Variants in CARD10 observed in about 807,000 individuals in gnomAD.
CARD10 encodes caspase recruitment domain family member 10, also known as caspase recruitment domain-containing protein 10.
In CARD10, 49 loss-of-function variants were observed where a neutral mutation model predicts 114.6. The ratio of observed to expected loss-of-function variants is 0.43; its 90% CI spans 0.34 to 0.54. The LOEUF is 0.54. CARD10 is among the 20% of genes least tolerant of loss of function. The pLI is 0.03. For missense variants in CARD10, 1,206 were observed against 1,397.2 expected, an observed-to-expected ratio of 0.86 and a Z score of 2.18; for synonymous variants, 602 against 593.2, an observed-to-expected ratio of 1.01 and a Z score of -0.21.
chr22:37,509,574 C>A (rs1923539222), intron 4 of CARD10, among the ~76,000 whole-genome samples: 2 of 149,140 alleles, frequency 1.3e-5, no homozygotes, highest in African/African-American at 2.5e-5. Context: ...CCGGGTCTGA[C>A]CCCCACCCCC....
rs71317047 is a variant in CARD10, at chr22:37,506,777, C to A, written c.1192-394G>T. Among the ~76,000 whole-genome samples the A allele has an allele frequency of 1.6e-3, 246 of 152,308 alleles. 1 individual carries two copies. The highest frequency in any genetic ancestry group is 1.5e-3 in the Non-Finnish European group (101 of 68,030). On this transcript the variant is annotated intron_variant, in intron 6 of 19. Coordinates refer to ENST00000251973, the MANE Select transcript of CARD10 (RefSeq NM_014550.4). ...TGGAGAAGCCAGGAGTCAAACCCAG[C>A]CCACTGCATCCACAGTGAAGACCAG...
At chr22:37,508,784 G>A (rs2145768722) in intron 4 of CARD10, 102 bp from the exon 5 acceptor site, 2 of 1,330,238 alleles carry the variant, frequency 1.5e-6, no homozygotes, top group Non-Finnish European at 2.0e-6. Context: ...AAACCCACCT[G>A]ACCAGCTCTG....
Position 37,492,342 on chromosome 22 carries a change from GC to G in CARD10, c.2751+92del, listed in dbSNP as rs2145750552. The G allele has an allele frequency of 1.1e-6, 1 of 937,810 alleles. No individual in the cohort carries two copies. Among genetic ancestry groups the G allele is most frequent in the Non-Finnish European group, 1.6e-6 (1 of 637,498 alleles). The allele number at this position is 937,810 out of a possible 1,614,324, so 58.1% of individuals were successfully genotyped here. The stretch of plus-strand genomic sequence containing the variant: ...CCCTGCCAGTGAGCAGCAGAGCATG[GC>G]CCGCGCTCAGACGCTGGCGCTCAAG... On this transcript the variant is annotated intron_variant, in intron 18 of 19. Coordinates refer to ENST00000251973, the MANE Select transcript of CARD10 (RefSeq NM_014550.4). This position sits in a 1 kb window ranked among gnomAD's most constrained non-coding sequence, Gnocchi z 5.7.
chr22:37,519,147 C>T lies in CARD10; in HGVS notation c.54G>A (p.Ser18=), dbSNP rs1380048627. Residue 18 remains serine (S), a synonymous_variant, in exon 1 of 20, where the codon TCG becomes TCA. Transcript: ENST00000251973. The surrounding 1 kb of genome is among the most constrained non-coding windows in gnomAD (Gnocchi z 4.1). ...GCGCGTCCTCCTCCGCCTCAGACCC[C>T]GAGCCGGCCCCGGCCTCCTCCTCGG... ...GEAEEEAGAG[S]GSEAEEDALW... is the part of the protein sequence containing the mutation. 5 of 1,546,850 alleles carry T rather than the reference C, an allele frequency of 3.2e-6. No homozygotes were observed. In the South Asian group the frequency reaches 5.9e-5, roughly 18 times the overall value.
intron 3 of CARD10, among the ~76,000 whole-genome samples, chr22:37,511,248 T>C (rs1262248020): frequency 6.7e-6 from 1 of 148,864 alleles, no homozygotes; most frequent in Non-Finnish European, 1.5e-5. Flanking sequence ...TCCCAGCTAC[T>C]CAGGAGGCTG....
rs1437476984 is a variant in CARD10, at chr22:37,501,609, A to G, written c.1787+993T>C. On this transcript the variant is annotated intron_variant, in intron 11 of 19. Coordinates refer to ENST00000251973, the MANE Select transcript of CARD10 (RefSeq NM_014550.4). The surrounding 1 kb of genome is among the most constrained non-coding windows in gnomAD (Gnocchi z 5.4). ...CTCCACATTCCAGCGCTGACAGTCC[A>G]TGTTTCCTATGCCCTTTCCAAAACC... Among the ~76,000 whole-genome samples, 1 of 152,128 alleles carries G rather than the reference A, an allele frequency of 6.6e-6. No individual in the cohort carries two copies. Among genetic ancestry groups the G allele is most frequent in the African/African-American group, 2.4e-5 (1 of 41,428 alleles).
In CARD10 at chr22:37,492,395, C is replaced by A; in HGVS notation, c.2751+40G>T. 1 of 1,426,118 alleles carries A rather than the reference C, an allele frequency of 7.0e-7. No individual in the cohort carries two copies. The highest frequency in any genetic ancestry group is 9.5e-7 in the Non-Finnish European group (1 of 1,055,742). The allele number at this position is 1,426,118 out of a possible 1,614,324, so 88.3% of individuals were successfully genotyped here. ...CCAGAACAGCAGCACCCGCTCTGGG[C>A]CACCTCTGTGAGCACCCCAGGCCAG... On this transcript the variant is annotated intron_variant, in intron 18 of 19. Coordinates refer to ENST00000251973, the MANE Select transcript of CARD10 (RefSeq NM_014550.4). This position sits in a 1 kb window ranked among gnomAD's most constrained non-coding sequence, Gnocchi z 5.7.
At chr22:37,502,754 C>T (rs1923263459) in intron 10 of CARD10, 29 bp from the exon 11 acceptor site, 2 of 1,605,998 alleles carry the variant, frequency 1.2e-6, no homozygotes, top group Non-Finnish European at 1.7e-6. Context: ...GTTCAGGGAT[C>T]TGGCACTGGG....
In CARD10 at chr22:37,492,430, C is replaced by T. The variant is rs1922836772; in HGVS notation, c.2751+5G>A. ...GAGCACCCCAGGCCAGCCCCCAGCA[C>T]CCACCTTCCCAACAGACTCCTGGAT... On this transcript the variant is annotated splice_donor_5th_base_variant and intron_variant, in intron 18 of 19. Coordinates refer to ENST00000251973, the MANE Select transcript of CARD10 (RefSeq NM_014550.4). This position sits in a 1 kb window ranked among gnomAD's most constrained non-coding sequence, Gnocchi z 5.7. 2 of 1,549,434 alleles carry T rather than the reference C, an allele frequency of 1.3e-6. No homozygotes were observed. Among genetic ancestry groups the T allele is most frequent in the Admixed American group, 1.9e-5 (1 of 51,640 alleles).
intron 16 of CARD10, among the ~76,000 whole-genome samples, chr22:37,493,684 A>G (rs1217610876): frequency 6.6e-6 from 1 of 151,684 alleles, no homozygotes; most frequent in Non-Finnish European, 1.5e-5. Flanking sequence ...CTACTCCCTC[A>G]TCTGAGCTCC....
Position 37,496,107 on chromosome 22 carries a change from A to G in CARD10, c.2060-104T>C. 7.0e-7 allele frequency: 1 copy of G among 1,435,520 alleles called. No individual in the cohort carries two copies. Among genetic ancestry groups the G allele is most frequent in the South Asian group, 1.3e-5 (1 of 75,220 alleles). The allele number at this position is 1,435,520 out of a possible 1,614,324, so 88.9% of individuals were successfully genotyped here. A position where few individuals can be genotyped will look rare whatever the true frequency, so the allele number is the denominator to read the frequency against. ...AAAGACATGGCCCTCTCGAGGCCTG[A>G]GTTCCCAGGACCCGACCTTCACCTT... On this transcript the variant is annotated intron_variant, in intron 13 of 19. Coordinates refer to ENST00000251973, the MANE Select transcript of CARD10 (RefSeq NM_014550.4). The surrounding 1 kb of genome is among the most constrained non-coding windows in gnomAD (Gnocchi z 4.1).
At chr22:37,497,795 A>T (rs1923061684) in intron 11 of CARD10, among the ~76,000 whole-genome samples, 2 of 151,554 alleles carry the variant, frequency 1.3e-5, no homozygotes, top group South Asian at 4.2e-4. Context: ...CAGAGGTTGC[A>T]GTGAGCCGAG....
At chr22:37,510,174 AC>A in intron 4 of CARD10, 37 bp downstream of exon 4, 2 of 1,464,018 alleles carry the variant, frequency 1.4e-6, no homozygotes, top group South Asian at 1.2e-5. Context: ...CCTCCTGACC[AC>A]CCCCCAGCCT....
intron 11 of CARD10, among the ~76,000 whole-genome samples, chr22:37,499,174 T>A (rs1923122218): frequency 6.6e-6 from 1 of 152,136 alleles, no homozygotes; most frequent in Non-Finnish European, 1.5e-5. Context: ...TGTGGTCAGA[T>A]GGTCCGAGAA....
rs777843151 is a variant in CARD10, at chr22:37,510,221, G to T, written c.900C>A (p.Gly300=). The T allele has an allele frequency of 1.9e-6, 3 of 1,600,280 alleles. No homozygotes were observed. In the South Asian group the frequency reaches 3.3e-5, roughly 18 times the overall value. The change falls in exon 4 of 20, where the codon GGC becomes GGA. Residue 300 remains glycine (G), a synonymous_variant. Coordinates refer to ENST00000251973, the MANE Select transcript of CARD10 (RefSeq NM_014550.4). Reference sequence around the variant, plus strand: ...GCCCTGGCCCTGGTACCTGCTGCAGGCCCTCCTGCAACTCCCGCAGTGACG... The same window carrying T: ...GCCCTGGCCCTGGTACCTGCTGCAGTCCCTCCTGCAACTCCCGCAGTGACG... ...LTASLRELQE[G]LQQEASRPGA... is the part of the protein sequence containing the mutation.
rs1185704639 is a variant in CARD10, at chr22:37,492,702, G to A, written c.2577C>T (p.Leu859=). 3 of 1,613,116 alleles carry A rather than the reference G, an allele frequency of 1.9e-6. No homozygotes were observed. The highest frequency in any genetic ancestry group is 2.5e-6 in the Non-Finnish European group (3 of 1,179,930). The change falls in exon 17 of 20, where the codon CTC becomes CTT. Residue 859 remains leucine, a synonymous_variant. Coordinates refer to ENST00000251973, the MANE Select transcript of CARD10 (RefSeq NM_014550.4). The surrounding 1 kb of genome is among the most constrained non-coding windows in gnomAD (Gnocchi z 5.7). ...TGGGCAGGTCTAGCAGGTTACGGAT[G>A]AGCCGGGGCGCCAGGCACTCAGGCA... The part of the protein sequence containing the change: ...VLLPECLAPR[L]IRNLLDLPSS...
In CARD10 at chr22:37,515,033, C is replaced by T. The variant is rs918247479; in HGVS notation, c.699+940G>A. Among the ~76,000 whole-genome samples, 10 of 152,202 alleles carry T rather than the reference C, an allele frequency of 6.6e-5. 1 individual carries two copies. Among genetic ancestry groups the T allele is most frequent in the African/African-American group, 1.9e-4 (8 of 41,454 alleles). ...GGCTGGCACTGGAGCCAGCCGGACCCGGTTCAAATCCAGGCTGTGCCGCTT... is the reference window on the plus strand; with the variant it reads ...GGCTGGCACTGGAGCCAGCCGGACCTGGTTCAAATCCAGGCTGTGCCGCTT... On this transcript the variant is annotated intron_variant, in intron 3 of 19. Transcript: ENST00000251973.
chr22:37,497,226 G>A (rs760380641), intron 11 of CARD10, 48 bp from the exon 12 acceptor site: 2 of 1,562,742 alleles, frequency 1.3e-6, no homozygotes, highest in African/African-American at 1.4e-5. Flanking sequence ...TCAGTACTTG[G>A]ATTCAGTTCA....
At chr22:37,503,550 T>A (rs1019318988) in intron 9 of CARD10, among the ~76,000 whole-genome samples, 3 of 152,098 alleles carry the variant, frequency 2.0e-5, no homozygotes, top group Non-Finnish European at 4.4e-5. Context: ...ACCTTTGTGG[T>A]TTGTGACTCC....
Sources: gnomAD v4.1 joint callset for allele counts (sites outside exome capture counted in the v4.1 genomes callset) on GRCh38, gnomAD v4.1.1 for gene constraint, Gnocchi (gnomAD v3.1) non-coding constraint, MANE v1.5 for transcripts, NCBI Gene and HGNC (gene_info 2026-07-23, HGNC 2026-07-21) for gene names.